Variants in STK3 observed in about 807,000 individuals in gnomAD.
The protein encoded by STK3 is serine/threonine kinase 3, also known as serine/threonine-protein kinase 3.
A neutral mutation model predicts 58.0 loss-of-function variants in STK3; 41 were observed. The observed-to-expected ratio is 0.71, with a 90% CI of 0.55 to 0.92. The LOEUF (loss-of-function observed/expected upper bound fraction) is 0.92, where lower values mean the gene tolerates loss of function less well. STK3 is among the 40% of genes least tolerant of loss of function. The probability of loss-of-function intolerance (pLI) is 0.00; values close to 1 mark genes in which losing one functional copy is unlikely to be tolerated. For missense variants in STK3, 479 were observed against 602.7 expected, an observed-to-expected ratio of 0.79 and a Z score of 2.15; for synonymous variants, 170 against 191.0, an observed-to-expected ratio of 0.89 and a Z score of 0.91.
At chr8:98,362,962 T>C in the STK3 span, among the ~76,000 whole-genome samples, 4 of 152,196 alleles carry the variant, frequency 2.6e-5, no homozygotes, top group African/African-American at 9.7e-5. Flanking sequence ...GATCTGTTTC[T>C]AAAAAGCTTT....
intron 4 of STK3, among the ~76,000 whole-genome samples, chr8:98,741,757 G>A (rs986746171): frequency 6.6e-6 from 1 of 152,122 alleles, no homozygotes; most frequent in African/African-American, 2.4e-5. Context: ...AACCAGAACT[G>A]AAGGAAATAG....
intron 10 of STK3, among the ~76,000 whole-genome samples, chr8:98,489,527 G>C (rs1822531810): frequency 6.6e-6 from 1 of 151,924 alleles, no homozygotes; most frequent in Non-Finnish European, 1.5e-5. Context: ...CTATTATATA[G>C]TAAAAAGTCT....
intron 10 of STK3, among the ~76,000 whole-genome samples, chr8:98,461,952 T>C (rs975671209): frequency 2.8e-5 from 2 of 70,760 alleles, no homozygotes; most frequent in African/African-American, 5.9e-5. Context: ...AGTTCTTTTT[T>C]AATTAAAACA....
chr8:98,791,199 AG>A (rs1832782535), intron 1 of STK3, among the ~76,000 whole-genome samples: 1 of 152,216 alleles, frequency 6.6e-6, no homozygotes, highest in Non-Finnish European at 1.5e-5. Context: ...AATCAAATCA[AG>A]AACTTAACTC....
At chr8:98,872,547 T>C (rs1239362043) in intron 3 of STK3, among the ~76,000 whole-genome samples, 1 of 152,354 alleles carries the variant, frequency 6.6e-6, no homozygotes, top group East Asian at 1.9e-4. Context: ...AGGATTCAAC[T>C]TCTTCCCAGT....
chr8:98,804,390 C>T (rs1037420669), intron 1 of STK3, among the ~76,000 whole-genome samples: 2 of 152,174 alleles, frequency 1.3e-5, no homozygotes, highest in African/African-American at 4.8e-5. Flanking sequence ...AACGTTAAGA[C>T]TTAAATGACT....
chr8:98,561,303 GA>G lies in STK3; in HGVS notation c.949-13143del, dbSNP rs779133857. 2.0e-3 allele frequency among the ~76,000 whole-genome samples: 274 copies of G among 135,316 alleles called. 2 individuals carry two copies. The South Asian group carries it at 0.025, about 12-fold the overall frequency. 88.8% of individuals were successfully genotyped at this position (135,316 alleles called of 152,430 possible). On this transcript the variant is annotated intron_variant, in intron 8 of 10. Transcript: ENST00000419617. ...GCTAGAACAACCGGATATCCATACG[GA>G]AAAAAAAAAAAAGGACCCAGATATA...
rs151111035 is a variant in STK3, at chr8:98,749,677, A to C, written c.237-287T>G. On this transcript the variant is annotated intron_variant, in intron 3 of 10. Coordinates refer to ENST00000419617, the MANE Select transcript of STK3 (RefSeq NM_006281.4). ...TTTGGCAAAGAACTTACTACTTAACATGAGGAACAAATGAAAATTTTTCCC... is the reference window on the plus strand; with the variant it reads ...TTTGGCAAAGAACTTACTACTTAACCTGAGGAACAAATGAAAATTTTTCCC... 2.5e-4 allele frequency among the ~76,000 whole-genome samples: 38 copies of C among 152,084 alleles called. No homozygotes were observed. The highest frequency in any genetic ancestry group is 4.9e-4 in the Non-Finnish European group (33 of 67,940).
At chr8:98,542,718 C>G (rs1810392767) in intron 9 of STK3, among the ~76,000 whole-genome samples, 1 of 152,144 alleles carries the variant, frequency 6.6e-6, no homozygotes, top group African/African-American at 2.4e-5. Flanking sequence ...ATAGGGTGGA[C>G]AGATGAATAT....
At chr8:98,754,501 ACTCT>A (rs540376978) in intron 3 of STK3, among the ~76,000 whole-genome samples, 13 of 147,456 alleles carry the variant, frequency 8.8e-5, no homozygotes, top group African/African-American at 1.3e-4. Flanking sequence ...AAAAAAAAAA[ACTCT>A]CTCTCTCTCT....
intron 6 of STK3, among the ~76,000 whole-genome samples, chr8:98,687,042 G>C (rs2130925598): frequency 6.6e-6 from 1 of 152,234 alleles, no homozygotes; most frequent in East Asian, 1.9e-4. Flanking sequence ...CCACAATCTT[G>C]CTAGAGGGAT....
intron 6 of STK3, among the ~76,000 whole-genome samples, chr8:98,687,308 C>T (rs948748167): frequency 2.6e-5 from 4 of 152,208 alleles, no homozygotes; most frequent in African/African-American, 9.6e-5. Context: ...TGTTCCACCT[C>T]AGTTCATCAG....
intron 6 of STK3, among the ~76,000 whole-genome samples, chr8:98,634,161 G>A (rs1417833104): frequency 1.3e-5 from 2 of 152,094 alleles, no homozygotes; most frequent in African/African-American, 4.8e-5. Flanking sequence ...ACAGGAAGGA[G>A]GGAAGGAAAC....
intron 1 of STK3, chr8:98,437,773 G>A (rs555420131): frequency 2.3e-4 from 35 of 152,292 alleles, no homozygotes; most frequent in African/African-American, 5.3e-4. Context: ...AACCCACTGC[G>A]TCCAGAGTCA....
chr8:98,621,423 G>A (rs1348465712), intron 6 of STK3, among the ~76,000 whole-genome samples: 2 of 152,098 alleles, frequency 1.3e-5, no homozygotes. Flanking sequence ...GAGCTGGCAA[G>A]AACTCCCAGT....
chr8:98,517,685 T>C (rs192443345), intron 10 of STK3, among the ~76,000 whole-genome samples: 112 of 152,242 alleles, frequency 7.4e-4, no homozygotes, highest in African/African-American at 2.5e-3. Flanking sequence ...ACCTGATATA[T>C]GCATTACTAG....
chr8:98,766,160 T>C (rs1011554892), intron 3 of STK3, among the ~76,000 whole-genome samples: 1 of 152,198 alleles, frequency 6.6e-6, no homozygotes, highest in Non-Finnish European at 1.5e-5. Context: ...CTTTTCACAT[T>C]ACCCCATGCA....
At chr8:98,805,869 T>C (rs1490456695) in intron 1 of STK3, among the ~76,000 whole-genome samples, 4 of 151,992 alleles carry the variant, frequency 2.6e-5, no homozygotes, top group African/African-American at 9.7e-5. Flanking sequence ...ATTAACCACC[T>C]CCTTAAAGAC....
chr8:98,621,992 G>A (rs904885517), intron 6 of STK3, among the ~76,000 whole-genome samples: 1 of 151,604 alleles, frequency 6.6e-6, no homozygotes, highest in African/African-American at 2.4e-5. Flanking sequence ...CATTGGGCAC[G>A]GTGGCTAACG....
Sources: gnomAD v4.1 joint callset for allele counts (sites outside exome capture counted in the v4.1 genomes callset) on GRCh38, gnomAD v4.1.1 for gene constraint, MANE v1.5 for transcripts, NCBI Gene and HGNC (gene_info 2026-07-23, HGNC 2026-07-21) for gene names.